SLC1A4: variants seen among roughly 807,000 people sequenced by gnomAD.
The protein encoded by SLC1A4 is neutral amino acid transporter A.
SLC1A4 carries 19 observed loss-of-function variants against 37.7 expected under a neutral mutation model. The ratio of observed to expected loss-of-function variants is 0.50; its 90% CI spans 0.35 to 0.74. The LOEUF (loss-of-function observed/expected upper bound fraction) is 0.74. SLC1A4 is among the 30% of genes least tolerant of loss of function. SLC1A4 has a pLI of 0.01. For missense variants in SLC1A4, 570 were observed against 712.9 expected (o/e 0.80, Z 2.28); for synonymous variants, 299 against 309.8 (o/e 0.97, Z 0.37).
chr2:65,014,051 A>C (rs772824684), intron 4 of SLC1A4, among the ~76,000 whole-genome samples: 4 of 152,228 alleles, frequency 2.6e-5, no homozygotes, highest in Non-Finnish European at 4.4e-5. Context: ...GAAAGAGAGG[A>C]GTCTTCTAAA....
chr2:64,992,077 C>A (rs530081049), intron 1 of SLC1A4, among the ~76,000 whole-genome samples: 130 of 152,318 alleles, frequency 8.5e-4, no homozygotes, highest in African/African-American at 3.1e-3. Context: ...AGGTTGAGAG[C>A]ACCTTTAGCC....
At position 65,018,014 on chromosome 2, in the gene SLC1A4, A is replaced by G; in HGVS notation, c.1035-57A>G. The G allele has an allele frequency of 6.7e-7, 1 of 1,482,982 alleles. No homozygotes were observed. The highest frequency in any genetic ancestry group is 1.2e-5 in the South Asian group (1 of 86,092). 91.9% of individuals were successfully genotyped at this position (1,482,982 alleles called of 1,614,324 possible). On this transcript the variant is annotated intron_variant, in intron 5 of 7. Transcript: ENST00000234256. The surrounding 1 kb of genome is among the most constrained non-coding windows in gnomAD (Gnocchi z 4.3). ...TGTTCTGGGGTCTGAGACAAGACAC[A>G]TGTTAGCCTGCCTCGGACTGTTGTC... is the stretch of plus-strand genomic sequence containing the variant.
chr2:65,004,596 T>C (rs1278633908), intron 3 of SLC1A4, among the ~76,000 whole-genome samples: 2 of 152,024 alleles, frequency 1.3e-5, no homozygotes, highest in Non-Finnish European at 2.9e-5. Flanking sequence ...CCAGAAAACA[T>C]TTTATAAAAC....
At chr2:64,998,675 G>C (rs1673358676) in intron 1 of SLC1A4, among the ~76,000 whole-genome samples, 3 of 152,190 alleles carry the variant, frequency 2.0e-5, no homozygotes, top group Admixed American at 2.0e-4. Context: ...GACAGGGCCT[G>C]TTCTGGGTGA....
Position 65,004,047 on chromosome 2 carries a change from T to TA in SLC1A4, c.633+33dup, listed in dbSNP as rs770426478. The TA allele has an allele frequency of 2.0e-6, 3 of 1,537,766 alleles. No homozygotes were observed. The South Asian group carries it at 3.4e-5, about 17-fold the overall frequency. ...CTTTTTATAAGGTCACTTGTAAAAA[T>TA]ATGTCTAAAACAAATCTTATTTCTT... On this transcript the variant is annotated intron_variant, in intron 3 of 7. Transcript: ENST00000234256.
chr2:65,018,349 G>A lies in SLC1A4; in HGVS notation c.1229+84G>A. 6.8e-7 allele frequency: 1 copy of A among 1,465,606 alleles called. No individual in the cohort carries two copies. Among genetic ancestry groups the A allele is most frequent in the Non-Finnish European group, 9.4e-7 (1 of 1,069,270 alleles). 90.8% of individuals were successfully genotyped at this position (1,465,606 alleles called of 1,614,324 possible). ...GAAAAACCAATCTCACCACAACTTGGTGTCTCGCTCATAAAATGAGGACAG... is the reference window on the plus strand; with the variant it reads ...GAAAAACCAATCTCACCACAACTTGATGTCTCGCTCATAAAATGAGGACAG... On this transcript the variant is annotated intron_variant, in intron 6 of 7. Coordinates refer to ENST00000234256, the MANE Select transcript of SLC1A4 (RefSeq NM_003038.5). The surrounding 1 kb of genome is among the most constrained non-coding windows in gnomAD (Gnocchi z 4.3).
chr2:65,003,653 G>A (rs943129367), intron 2 of SLC1A4, among the ~76,000 whole-genome samples: 1 of 152,206 alleles, frequency 6.6e-6, no homozygotes, highest in Admixed American at 6.5e-5. Flanking sequence ...CAAATTATCA[G>A]CATAAAATTG....
intron 7 of SLC1A4, among the ~76,000 whole-genome samples, chr2:65,020,152 C>T (rs71424146): frequency 0.017 from 2,553 of 152,280 alleles, 32 homozygotes; most frequent in Non-Finnish European, 0.025. Flanking sequence ...GATTAACATC[C>T]GCAGTAAAGT....
At position 64,989,426 on chromosome 2, in the gene SLC1A4, G is replaced by C. The variant is rs1672948935; in HGVS notation, c.-218G>C. The C allele has an allele frequency of 2.5e-6, 1 of 401,598 alleles. No homozygotes were observed. The highest frequency in any genetic ancestry group is 4.3e-6 in the Non-Finnish European group (1 of 230,352). 24.9% of individuals were successfully genotyped at this position (401,598 alleles called of 1,614,324 possible). On this transcript the variant is annotated 5_prime_UTR_variant, in exon 1 of 8. Transcript: ENST00000234256. ...CTCCAGCCGGCGGCTGCTCCAGGGAGGCTGGGCGCGATCCTCTCCGCCCGC... is the reference window on the plus strand; with the variant it reads ...CTCCAGCCGGCGGCTGCTCCAGGGACGCTGGGCGCGATCCTCTCCGCCCGC...
At chr2:65,019,849 A>C (rs1674338271) in intron 7 of SLC1A4, among the ~76,000 whole-genome samples, 1 of 152,236 alleles carries the variant, frequency 6.6e-6, no homozygotes, top group Non-Finnish European at 1.5e-5. Context: ...ACAGGGCACC[A>C]AGCCGGCTGC....
At chr2:64,992,507 C>T (rs1035745544) in intron 1 of SLC1A4, among the ~76,000 whole-genome samples, 3 of 152,108 alleles carry the variant, frequency 2.0e-5, no homozygotes, top group African/African-American at 4.8e-5. Flanking sequence ...TTCCAACAGC[C>T]AACTTCATCT....
chr2:65,020,371 A>G (rs1674365346), intron 7 of SLC1A4, among the ~76,000 whole-genome samples: 1 of 152,266 alleles, frequency 6.6e-6, no homozygotes, highest in East Asian at 1.9e-4. Context: ...GACTCAAGCA[A>G]TCCCCCCACC....
chr2:65,016,612 C>A lies in SLC1A4; in HGVS notation c.973C>A (p.Pro325Thr). 1 of 1,614,070 alleles carries A rather than the reference C, an allele frequency of 6.2e-7. No homozygotes were observed. The highest frequency in any genetic ancestry group is 8.5e-7 in the Non-Finnish European group (1 of 1,180,008). ...LIYFVFTRKN[P>T]FRFLLGLLAP... ...TTATTTTGTTTTCACACGAAAAAAC[C>A]CATTCAGATTCCTCCTGGGCCTCCT... The change falls in exon 5 of 8, where the codon CCA becomes ACA. Residue 325 changes from proline (P) to threonine (T), a missense_variant. Transcript: ENST00000234256.
chr2:64,997,402 C>T (rs372457237), intron 1 of SLC1A4, among the ~76,000 whole-genome samples: 16 of 152,320 alleles, frequency 1.1e-4, no homozygotes, highest in African/African-American at 3.4e-4. Context: ...AAATGGATAA[C>T]TCATGTGACC....
Position 65,013,432 on chromosome 2 carries a change from G to A in SLC1A4, c.800+2669G>A, listed in dbSNP as rs1053239073. Among the ~76,000 whole-genome samples, 17 of 152,320 alleles carry A rather than the reference G, an allele frequency of 1.1e-4. No individual in the cohort carries two copies. In the East Asian group the frequency reaches 3.3e-3, roughly 29 times the overall value. On this transcript the variant is annotated intron_variant, in intron 4 of 7. Coordinates refer to ENST00000234256, the MANE Select transcript of SLC1A4 (RefSeq NM_003038.5). ...AGACAGGGTTTCTCCATGTTGGTCA[G>A]GCTGGTCCCAAACTCCCGACCTCAG...
chr2:65,018,159 G>T lies in SLC1A4; in HGVS notation c.1123G>T (p.Ala375Ser), dbSNP rs1264161949. 1.7e-5 allele frequency: 27 copies of T among 1,614,052 alleles called. No individual in the cohort carries two copies. The Admixed American group carries it at 2.0e-4, about 12-fold the overall frequency. Residue 375 changes from alanine to serine, a missense_variant, in exon 6 of 8, where the codon GCC becomes TCC. Ala to Ser is a moderately conservative substitution (Grantham distance 99). Transcript: ENST00000234256. This position sits in a 1 kb window ranked among gnomAD's most constrained non-coding sequence, Gnocchi z 4.3. ...CAGCAGGTTTATTCTCCCCATCGGG[G>T]CCACCGTGAACATGGACGGAGCAGC... The part of the protein sequence containing the change: ...RISRFILPIG[A>S]TVNMDGAAIF...
chr2:65,010,468 T>C, intron 3 of SLC1A4, 129 bp from the exon 4 acceptor site: 1 of 756,246 alleles, frequency 1.3e-6, no homozygotes, highest in Non-Finnish European at 2.1e-6. Context: ...AATTGCTAAT[T>C]GTTAAAGAAA....
In SLC1A4 at chr2:64,990,175, C is replaced by G. The variant is rs1461769035; in HGVS notation, c.527+5C>G. ...CTCTTTCCTCGACCTGGCCAGGTAA[C>G]ACTCTCCACCTCTCCCAGGGCCCAG... On this transcript the variant is annotated splice_donor_5th_base_variant and intron_variant, in intron 1 of 7. Transcript: ENST00000234256. The G allele has an allele frequency of 6.3e-7, 1 of 1,590,272 alleles. No homozygotes were observed. The highest frequency in any genetic ancestry group is 8.6e-7 in the Non-Finnish European group (1 of 1,166,422).
chr2:64,990,131 T>G lies in SLC1A4; in HGVS notation c.488T>G (p.Val163Gly), dbSNP rs767576916. 1.2e-6 allele frequency: 2 copies of G among 1,610,742 alleles called. No individual in the cohort carries two copies. Among genetic ancestry groups the G allele is most frequent in the Non-Finnish European group, 1.7e-6 (2 of 1,178,536 alleles). The change falls in exon 1 of 8, where the codon GTC becomes GGC. Residue 163 changes from valine to glycine, a missense_variant. Physicochemically the swap from Val to Gly is moderately radical, Grantham distance 109. Coordinates refer to ENST00000234256, the MANE Select transcript of SLC1A4 (RefSeq NM_003038.5). ...LGLEDSGPPP[V>G]PKETVDSFLD... ...CTGGAGGACTCGGGGCCTCCTCCTG[T>G]CCCCAAAGAGACGGTGGACTCTTTC... is the stretch of plus-strand genomic sequence containing the variant.
Sources: allele counts gnomAD v4.1 joint callset (sites outside exome capture counted in the v4.1 genomes callset), GRCh38; gene constraint gnomAD v4.1.1; non-coding constraint Gnocchi (gnomAD v3.1); transcripts MANE v1.5; gene names NCBI Gene and HGNC (gene_info 2026-07-23, HGNC 2026-07-21).